Variants in NFAT5 observed in about 807,000 individuals in gnomAD.
NFAT5 encodes nuclear factor of activated T cells 5.
In NFAT5, 31 loss-of-function variants were observed where a neutral mutation model predicts 166.5. That is an observed-to-expected ratio of 0.19 (90% CI 0.14 to 0.25). The LOEUF is 0.25. Among genes scored for constraint, NFAT5 ranks in the 10% least tolerant of loss-of-function variants. The probability of loss-of-function intolerance (pLI) is 1.00; values close to 1 mark genes in which losing one functional copy is unlikely to be tolerated. For missense variants in NFAT5, 1,449 were observed against 1,821.8 expected (o/e 0.80, Z 3.72); for synonymous variants, 612 against 639.7 (o/e 0.96, Z 0.65).
chr16:69,588,977 C>CTTTTTTT (rs1409931325), intron 2 of NFAT5, among the ~76,000 whole-genome samples: 1 of 78,562 alleles, frequency 1.3e-5, no homozygotes, highest in Admixed American at 1.2e-4. Context: ...TCTTTTCCTA[C>CTTTTTTT]TTCTTTTTTT....
intron 2 of NFAT5, among the ~76,000 whole-genome samples, chr16:69,574,614 G>A (rs775033638): frequency 4.0e-5 from 6 of 151,556 alleles, no homozygotes; most frequent in Admixed American, 2.0e-4. Flanking sequence ...TTACATGAGA[G>A]TTCAGTTACT....
chr16:69,661,522 T>A (rs2036138687), intron 7 of NFAT5, among the ~76,000 whole-genome samples: 1 of 97,570 alleles, frequency 1.0e-5, no homozygotes, highest in Non-Finnish European at 1.8e-5. Flanking sequence ...CCAGCCTGTA[T>A]AAGAGACCCA....
In NFAT5 at chr16:69,694,233, C is replaced by A; in HGVS notation, c.4408C>A (p.Gln1470Lys). The change falls in exon 13 of 15, where the codon CAA becomes AAA. Residue 1470 changes from glutamine to lysine, a missense_variant. Gln to Lys is a moderately conservative substitution (Grantham distance 53, BLOSUM62 1). Around this residue, in one of 7 missense-constraint regions of NFAT5, gnomAD observed 891 missense variants for 993.0 expected, o/e 0.90. Transcript: ENST00000349945. ...QTSGMFLFGI[Q>K]NNCSQLLTSG... The stretch of plus-strand genomic sequence containing the variant: ...ATCAGGAATGTTCTTATTTGGCATT[C>A]AAAATAGTAAGAAACTCTAATTTTT... The A allele has an allele frequency of 6.2e-7, 1 of 1,601,318 alleles. No individual in the cohort carries two copies. The highest frequency in any genetic ancestry group is 1.1e-5 in the South Asian group (1 of 89,122).
At chr16:69,688,906 A>G (rs972598340) in intron 11 of NFAT5, among the ~76,000 whole-genome samples, 7 of 152,142 alleles carry the variant, frequency 4.6e-5, no homozygotes, top group African/African-American at 1.7e-4. Flanking sequence ...GTTTTTCAAA[A>G]TGTTCTATGG....
At chr16:69,615,195 C>A (rs11646884) in intron 2 of NFAT5, among the ~76,000 whole-genome samples, 36,153 of 151,898 alleles carry the variant, frequency 0.24, 4,632 homozygotes, top group East Asian at 0.45. Flanking sequence ...GCACGTGCCA[C>A]CATGCCTGGC....
chr16:69,568,024 T>C (rs933472262), intron 1 of NFAT5, among the ~76,000 whole-genome samples: 3 of 152,180 alleles, frequency 2.0e-5, no homozygotes, highest in African/African-American at 7.2e-5. Context: ...AAAAATACAC[T>C]GCAGTTGGCC....
chr16:69,594,038 G>T (rs879876865), intron 2 of NFAT5, among the ~76,000 whole-genome samples: 2 of 152,176 alleles, frequency 1.3e-5, no homozygotes, highest in Non-Finnish European at 2.9e-5. Context: ...GTCCTTCCTT[G>T]TCTGTGGGGA....
chr16:69,660,243 A>G (rs1012796802), intron 7 of NFAT5, among the ~76,000 whole-genome samples: 1 of 152,136 alleles, frequency 6.6e-6, no homozygotes, highest in Non-Finnish European at 1.5e-5. Flanking sequence ...CAATGTAGTG[A>G]AAATCCTGTC....
rs2037614002 is a variant in NFAT5, at chr16:69,693,014, A to T, written c.3189A>T (p.Leu1063Phe). The T allele has an allele frequency of 6.2e-7, 1 of 1,614,028 alleles. No individual in the cohort carries two copies. Reference sequence around the variant, plus strand: ...GTACCCAACAACAAGGTAATGGTTTATTCCAGCAAGGGAATGAGATGATGT... The same window carrying T: ...GTACCCAACAACAAGGTAATGGTTTTTTCCAGCAAGGGAATGAGATGATGT... ...NSGTQQQGNGLFQQGNEMMSL... is the reference protein window; with the variant it reads ...NSGTQQQGNGFFQQGNEMMSL... Residue 1063 changes from leucine (L) to phenylalanine (F), a missense_variant, in exon 13 of 15, where the codon TTA becomes TTT. Around this residue, in one of 7 missense-constraint regions of NFAT5, gnomAD observed 891 missense variants for 993.0 expected, o/e 0.90. Coordinates refer to ENST00000349945, the MANE Select transcript of NFAT5 (RefSeq NM_138713.4).
At chr16:69,639,981 A>AACGT (rs2035133096) in intron 3 of NFAT5, among the ~76,000 whole-genome samples, 1 of 152,234 alleles carries the variant, frequency 6.6e-6, no homozygotes, top group South Asian at 2.1e-4. Context: ...TTAACATGTA[A>AACGT]ACGTATGTTG....
In NFAT5 at chr16:69,693,235, C is replaced by G; in HGVS notation, c.3410C>G (p.Ser1137Cys). The change falls in exon 13 of 15, where the codon TCT becomes TGT. Residue 1137 changes from serine to cysteine, a missense_variant. Physicochemically the swap from Ser to Cys is moderately radical, Grantham distance 112. Around this residue, in one of 7 missense-constraint regions of NFAT5, gnomAD observed 891 missense variants for 993.0 expected, o/e 0.90. Transcript: ENST00000349945. Reference sequence around the variant, plus strand: ...CAAATGCAGCCTCCAATGTTTCACTCTCAAAGTACCATTGCTGTGTTACAG... The same window carrying G: ...CAAATGCAGCCTCCAATGTTTCACTGTCAAAGTACCATTGCTGTGTTACAG... ...SEQMQPPMFH[S>C]QSTIAVLQGS... 4 of 1,614,190 alleles carry G rather than the reference C, an allele frequency of 2.5e-6. No individual in the cohort carries two copies. Among genetic ancestry groups the G allele is most frequent in the Non-Finnish European group, 3.4e-6 (4 of 1,180,042 alleles).
intron 4 of NFAT5, among the ~76,000 whole-genome samples, chr16:69,650,656 T>C (rs970523909): frequency 3.3e-5 from 5 of 152,164 alleles, no homozygotes; most frequent in African/African-American, 1.2e-4. Flanking sequence ...TCTATGAATT[T>C]TCCTTGTATT....
At chr16:69,636,426 C>G (rs2034970698) in intron 3 of NFAT5, among the ~76,000 whole-genome samples, 1 of 152,204 alleles carries the variant, frequency 6.6e-6, no homozygotes, top group African/African-American at 2.4e-5. Context: ...AGTACGGACT[C>G]TGTGTGGGGT....
At chr16:69,652,380 A>G (rs1323360429) in intron 4 of NFAT5, among the ~76,000 whole-genome samples, 1 of 151,970 alleles carries the variant, frequency 6.6e-6, no homozygotes. Context: ...TGAACCCAGG[A>G]AACAGAGGTT....
At chr16:69,586,676 T>C (rs1447320927) in intron 2 of NFAT5, among the ~76,000 whole-genome samples, 1 of 152,192 alleles carries the variant, frequency 6.6e-6, no homozygotes, top group Non-Finnish European at 1.5e-5. Context: ...GTGCTGAGAT[T>C]ACAGGCATGA....
chr16:69,604,736 C>T (rs1489823971), intron 2 of NFAT5, among the ~76,000 whole-genome samples: 2 of 152,162 alleles, frequency 1.3e-5, no homozygotes, highest in African/African-American at 2.4e-5. Flanking sequence ...CTCCCCTGCC[C>T]GCCATGAGCC....
chr16:69,701,665 G>A lies in NFAT5; in HGVS notation c.*5314G>A, dbSNP rs573954531. Reference sequence around the variant, plus strand: ...TATCTGAATACTCATGAGAATTTTAGCATCTGTGAAACTCCATGCACCAGA... The same window carrying A: ...TATCTGAATACTCATGAGAATTTTAACATCTGTGAAACTCCATGCACCAGA... On this transcript the variant is annotated 3_prime_UTR_variant, in exon 15 of 15. Coordinates refer to ENST00000349945, the MANE Select transcript of NFAT5 (RefSeq NM_138713.4). 2.2e-4 allele frequency: 34 copies of A among 152,322 alleles called. No individual in the cohort carries two copies. The highest frequency in any genetic ancestry group is 7.4e-5 in the Non-Finnish European group (5 of 68,022). The allele number at this position is 152,322 out of a possible 1,614,324, so 9.4% of individuals were successfully genotyped here. A position where few individuals can be genotyped will look rare whatever the true frequency, so the allele number is the denominator to read the frequency against.
chr16:69,626,651 T>A, intron 3 of NFAT5, 123 bp downstream of exon 3: 1 of 732,886 alleles, frequency 1.4e-6, no homozygotes, highest in Non-Finnish European at 1.9e-6. Context: ...AAAGAGGCAT[T>A]AAAATATGTA....
chr16:69,605,765 C>G (rs75130971), intron 2 of NFAT5, among the ~76,000 whole-genome samples: 24,258 of 151,478 alleles, frequency 0.16, 2,127 homozygotes, highest in East Asian at 0.37. Flanking sequence ...GGACTGCGGA[C>G]TGCAGTGGCG....
Sources: allele counts gnomAD v4.1 joint callset (sites outside exome capture counted in the v4.1 genomes callset), GRCh38; gene constraint gnomAD v4.1.1; regional missense constraint gnomAD v4.1.1; transcripts MANE v1.5; gene names NCBI Gene and HGNC (gene_info 2026-07-23, HGNC 2026-07-21).